The following ACCS variants were observed in gnomAD, a reference collection of about 807,000 sequenced individuals.
ACCS encodes the protein 1-aminocyclopropane-1-carboxylate synthase-like protein 1.
ACCS carries 42 observed loss-of-function variants against 59.8 expected under a neutral mutation model. The ratio of observed to expected loss-of-function variants is 0.70; its 90% CI spans 0.55 to 0.91. ACCS has a LOEUF of 0.91. Among genes scored for constraint, ACCS ranks in the 40% least tolerant of loss-of-function variants. The pLI, the probability that ACCS is intolerant of heterozygous loss-of-function variation, is 0.00. For missense variants in ACCS, 602 were observed against 630.4 expected (o/e 0.95, Z 0.48); for synonymous variants, 230 against 240.3 (o/e 0.96, Z 0.40).
chr11:44,083,674 C>A, intron 14 of ACCS, 21 bp from the exon 15 acceptor site: 1 of 1,614,186 alleles, frequency 6.2e-7, no homozygotes, highest in Non-Finnish European at 8.5e-7. Flanking sequence ...TGCCAACTGG[C>A]CCCTCACTTC....
rs1317381088 is a variant in ACCS, at chr11:44,077,916, C to A, written c.726C>A (p.His242Gln). 1.2e-6 allele frequency: 2 copies of A among 1,613,880 alleles called. No homozygotes were observed. Among genetic ancestry groups the A allele is most frequent in the Admixed American group, 1.7e-5 (1 of 59,986 alleles). The change falls in exon 8 of 15, where the codon CAC becomes CAA. Residue 242 changes from histidine (H) to glutamine (Q), a missense_variant. Coordinates refer to ENST00000263776, the MANE Select transcript of ACCS (RefSeq NM_032592.4). ...TGGAGATGGCCCTGAGAGAAGCTCA[C>A]TCTGAGGTCTGGGGATCAAATCAAA... ...EKLEMALREA[H>Q]SEGVKVKGLI...
At chr11:44,071,229 C>T (rs747749239) in intron 2 of ACCS, 27 bp from the exon 3 acceptor site, 19 of 1,613,940 alleles carry the variant, frequency 1.2e-5, no homozygotes, top group Admixed American at 1.0e-4. Context: ...GCCATGCTAA[C>T]TCTGCCTCTG....
chr11:44,077,752 A>AT lies in ACCS; in HGVS notation c.655-91dup, dbSNP rs1467108476. ...AGAGACTCTTCTGAGGAGGCTGGGG[A>AT]TTACAGGGGAGGAGAGGCCTGAGAG... On this transcript the variant is annotated intron_variant, in intron 7 of 14. Coordinates refer to ENST00000263776, the MANE Select transcript of ACCS (RefSeq NM_032592.4). 4 of 1,518,266 alleles carry AT rather than the reference A, an allele frequency of 2.6e-6. No individual in the cohort carries two copies. In the African/African-American group the frequency reaches 5.5e-5, roughly 21 times the overall value. The allele number at this position is 1,518,266 out of a possible 1,614,324, so 94.0% of individuals were successfully genotyped here. A position where few individuals can be genotyped will look rare whatever the true frequency, so the allele number is the denominator to read the frequency against.
rs546438518 is a variant in ACCS at position 44,073,332 on chromosome 11, C to G, written c.349-115C>G. The G allele has an allele frequency of 1.6e-5, 14 of 851,536 alleles. No homozygotes were observed. In the African/African-American group the frequency reaches 2.3e-4, roughly 14 times the overall value. 52.7% of individuals were successfully genotyped at this position (851,536 alleles called of 1,614,324 possible). A position where few individuals can be genotyped will look rare whatever the true frequency, so the allele number is the denominator to read the frequency against. On this transcript the variant is annotated intron_variant, in intron 3 of 14. Transcript: ENST00000263776. ...GGTATGAGAAAGCTGTCACTCTCTG[C>G]CCCTCTCGCAGTTTCTCTGATGAGC...
chr11:44,070,676 G>A (rs1953007306), intron 2 of ACCS, among the ~76,000 whole-genome samples: 1 of 152,154 alleles, frequency 6.6e-6, no homozygotes, highest in Non-Finnish European at 1.5e-5. Flanking sequence ...CCTGTGGGGT[G>A]GGGATCAAGG....
chr11:44,078,594 G>T, intron 8 of ACCS, 90 bp from the exon 9 acceptor site: 1 of 1,103,192 alleles, frequency 9.1e-7, no homozygotes, highest in Non-Finnish European at 1.4e-6. Context: ...AAATCTCCCT[G>T]GGAGCCTTCC....
chr11:44,078,521 C>T, intron 8 of ACCS, 163 bp from the exon 9 acceptor site: 1 of 573,096 alleles, frequency 1.7e-6, no homozygotes, highest in Non-Finnish European at 3.1e-6. Context: ...TTATCTGATG[C>T]TGCAGATGTA....
intron 6 of ACCS, among the ~76,000 whole-genome samples, chr11:44,076,263 C>T (rs1953356317): frequency 6.6e-6 from 1 of 152,142 alleles, no homozygotes; most frequent in African/African-American, 2.4e-5. Context: ...GAAAAGAGAC[C>T]CATTCATGGT....
intron 3 of ACCS, chr11:44,071,632 C>CA (rs1953055028): frequency 7.9e-6 from 2 of 252,908 alleles, no homozygotes; most frequent in South Asian, 1.3e-4. Flanking sequence ...TTCAGGGGGA[C>CA]AAAAAAAGCC....
At position 44,079,598 on chromosome 11, in the gene ACCS, C is replaced by T. The variant is rs140330119; in HGVS notation, c.901C>T (p.Arg301Cys). ...LSVFEKSVGY[R>C]SVLSLERLPD... ...CGTGTTTGAGAAGTCTGTTGGGTAC[C>T]GCAGTGTCCTAAGCCTGGAAAGGTG... The change falls in exon 10 of 15, where the codon CGC becomes TGC. Residue 301 changes from arginine to cysteine, a missense_variant. By Grantham distance (180) the Arg-to-Cys change is radical. Transcript: ENST00000263776. 408 of 1,611,278 alleles carry T rather than the reference C, an allele frequency of 2.5e-4. 6 individuals carry two copies. The South Asian group carries it at 3.2e-3, about 13-fold the overall frequency.
chr11:44,073,066 C>G (rs921091099), intron 3 of ACCS, among the ~76,000 whole-genome samples: 1 of 152,188 alleles, frequency 6.6e-6, no homozygotes, highest in Non-Finnish European at 1.5e-5. Flanking sequence ...GGAGCCAAGA[C>G]TGAGGTTCTA....
At position 44,067,832 on chromosome 11, in the gene ACCS, A is replaced by G; in HGVS notation, c.205A>G (p.Met69Val). Residue 69 changes from methionine (M) to valine (V), a missense_variant, in exon 2 of 15, where the codon ATG becomes GTG. Coordinates refer to ENST00000263776, the MANE Select transcript of ACCS (RefSeq NM_032592.4). ...CTCCTACCTGTCCTCTAGAGGAAGA[A>G]TGATTAAATGGTTCTGGGATTCAGC... ...DTSYLSSRGR[M>V]IKWFWDSAEE... 2 of 1,614,100 alleles carry G rather than the reference A, an allele frequency of 1.2e-6. No individual in the cohort carries two copies. The highest frequency in any genetic ancestry group is 2.2e-5 in the East Asian group (1 of 44,874).
intron 2 of ACCS, among the ~76,000 whole-genome samples, chr11:44,068,564 C>G (rs1952899160): frequency 6.6e-6 from 1 of 152,176 alleles, no homozygotes. Flanking sequence ...AAGATCATGC[C>G]ACTGCATTCT....
intron 3 of ACCS, chr11:44,071,806 A>G (rs1026182406): frequency 2.6e-5 from 4 of 152,714 alleles, no homozygotes; most frequent in African/African-American, 9.6e-5. Context: ...GACCTCAAAA[A>G]CATAGATAGT....
intron 5 of ACCS, among the ~76,000 whole-genome samples, 195 bp downstream of exon 5, chr11:44,074,876 A>C (rs1953277463): frequency 7.2e-6 from 1 of 139,468 alleles, no homozygotes; most frequent in Non-Finnish European, 1.5e-5. Context: ...CCAGACTGGA[A>C]TGTAATGGTG....
At chr11:44,073,422 C>T (rs948452943) in intron 3 of ACCS, 25 bp from the exon 4 acceptor site, 30 of 1,595,000 alleles carry the variant, frequency 1.9e-5, no homozygotes, top group Middle Eastern at 4.1e-4. Context: ...GGCCCTCAGC[C>T]GTGCTCTTCC....
At chr11:44,077,965 C>A (rs772042129) in intron 8 of ACCS, 43 bp downstream of exon 8, 2 of 1,602,584 alleles carry the variant, frequency 1.2e-6, no homozygotes, top group Non-Finnish European at 1.7e-6. Flanking sequence ...GTGGGTGGGT[C>A]TGAGCAGGGT....
chr11:44,077,347 C>A lies in ACCS; in HGVS notation c.625C>A (p.Arg209=). Residue 209 remains arginine, a synonymous_variant, in exon 7 of 15, where the codon CGG becomes AGG. Coordinates refer to ENST00000263776, the MANE Select transcript of ACCS (RefSeq NM_032592.4). ...TQHVCLYGNI[R]LAYVYLDSEV... ...GCACGTGTGTCTCTATGGCAACATC[C>A]GGCTGGCCTATGTCTACCTGGACAG... The A allele has an allele frequency of 6.2e-7, 1 of 1,614,162 alleles. No homozygotes were observed. Among genetic ancestry groups the A allele is most frequent in the Non-Finnish European group, 8.5e-7 (1 of 1,180,018 alleles).
intron 10 of ACCS, 91 bp downstream of exon 10, chr11:44,079,711 G>A: frequency 8.6e-7 from 1 of 1,158,368 alleles, no homozygotes; most frequent in Non-Finnish European, 1.2e-6. Context: ...GGCATGGCCT[G>A]CCCAGAGCAA....
Sources: allele counts gnomAD v4.1 joint callset (sites outside exome capture counted in the v4.1 genomes callset), GRCh38; gene constraint gnomAD v4.1.1; transcripts MANE v1.5; gene names NCBI Gene and HGNC (gene_info 2026-07-23, HGNC 2026-07-21).